The following KCNQ2 variants were observed in gnomAD, a reference collection of about 807,000 sequenced individuals.
KCNQ2 encodes the protein potassium voltage-gated channel subfamily KQT member 2.
In KCNQ2, 14 loss-of-function variants were observed where a neutral mutation model predicts 84.8. That is an observed-to-expected ratio of 0.17 (90% CI 0.11 to 0.26). KCNQ2 has a LOEUF of 0.26. Among genes scored for constraint, KCNQ2 ranks in the 10% least tolerant of loss-of-function variants. The pLI is 1.00. For synonymous variants in KCNQ2, 599 were observed against 554.1 expected (o/e 1.08, Z -1.14); for missense variants, 788 against 1,254.0 (o/e 0.63, Z 5.61).
chr20:63,411,624 T>G, intron 15 of KCNQ2: 1 of 463,118 alleles, frequency 2.2e-6, no homozygotes, highest in Middle Eastern at 5.6e-4. Context: ...GGAAGGGCCT[T>G]CTCCCTCTTG....
Position 63,400,809 on chromosome 20 carries a change from C to T in KCNQ2, c.*5835G>A. The T allele has an allele frequency of 7.5e-6, 3 of 398,442 alleles. No homozygotes were observed. The highest frequency in any genetic ancestry group is 8.9e-6 in the Non-Finnish European group (2 of 225,922). 24.7% of individuals were successfully genotyped at this position (398,442 alleles called of 1,614,324 possible). A position where few individuals can be genotyped will look rare whatever the true frequency, so the allele number is the denominator to read the frequency against. On this transcript the variant is annotated 3_prime_UTR_variant, in exon 17 of 17. Transcript: ENST00000359125. This position sits in a 1 kb window ranked among gnomAD's most constrained non-coding sequence, Gnocchi z 8.7. ...TCAGTGCGAGACCCCTCCGTGAGAC[C>T]CCTCCTGCCCTGCGCGTGTCTCTGG...
In KCNQ2 at chr20:63,407,483, G is replaced by A. The variant is rs2079985346; in HGVS notation, c.1888-108C>T. ...GGCCCAGGCTGGTTCCAGGAAACAG[G>A]AGAGACCCAGGCTAGTCCCAGGAAA... On this transcript the variant is annotated intron_variant, in intron 16 of 16. Coordinates refer to ENST00000359125, the MANE Select transcript of KCNQ2 (RefSeq NM_172107.4). This position sits in a 1 kb window ranked among gnomAD's most constrained non-coding sequence, Gnocchi z 7.2. 8.3e-7 allele frequency: 1 copy of A among 1,210,214 alleles called. No homozygotes were observed. Among genetic ancestry groups the A allele is most frequent in the South Asian group, 1.4e-5 (1 of 73,730 alleles). 75.0% of individuals were successfully genotyped at this position (1,210,214 alleles called of 1,614,324 possible). A position where few individuals can be genotyped will look rare whatever the true frequency, so the allele number is the denominator to read the frequency against.
chr20:63,417,931 T>A (rs573484883), intron 12 of KCNQ2, among the ~76,000 whole-genome samples: 173 of 152,324 alleles, frequency 1.1e-3, no homozygotes, highest in Middle Eastern at 0.01. Flanking sequence ...GAGCCTGCCC[T>A]GGCCTCGGCG....
At chr20:63,452,734 G>A (rs6011837) in intron 1 of KCNQ2, among the ~76,000 whole-genome samples, 2,154 of 152,258 alleles carry the variant, frequency 0.014, 58 homozygotes, top group African/African-American at 0.049. Flanking sequence ...GTCTCTCGCC[G>A]GCAGCTCGGC....
chr20:63,452,919 G>A (rs2081656854), intron 1 of KCNQ2, among the ~76,000 whole-genome samples: 1 of 152,244 alleles, frequency 6.6e-6, no homozygotes, highest in Non-Finnish European at 1.5e-5. Flanking sequence ...CAGGGGCAGG[G>A]GTTGGGGCGG....
chr20:63,417,357 C>A (rs3865529), intron 12 of KCNQ2, among the ~76,000 whole-genome samples: 1 of 152,168 alleles, frequency 6.6e-6, no homozygotes, highest in Non-Finnish European at 1.5e-5. Context: ...TCAGGCAGGC[C>A]TCAGGGCAAG....
At chr20:63,440,680 G>A (rs1320967800) in intron 5 of KCNQ2, among the ~76,000 whole-genome samples, 1 of 152,206 alleles carries the variant, frequency 6.6e-6, no homozygotes, top group Non-Finnish European at 1.5e-5. Flanking sequence ...AGTTTACCCT[G>A]GGTTCCGAGG....
In KCNQ2 at chr20:63,439,639, T is replaced by C. The variant is rs756921902; in HGVS notation, c.886A>G (p.Thr296Ala). Residue 296 changes from threonine to alanine, a missense_variant, in exon 6 of 17, where the codon ACC (threonine) becomes GCC (alanine). Around this residue, in one of 8 missense-constraint regions of KCNQ2, gnomAD observed 18 missense variants for 166.0 expected, o/e 0.11. Transcript: ENST00000359125. ...AAGGAGACACCGATGAGGGTGAAGGTTGCCGCAAGGAGCCTGCCGTTCCAG... is the reference window on the plus strand; with the variant it reads ...AAGGAGACACCGATGAGGGTGAAGGCTGCCGCAAGGAGCCTGCCGTTCCAG... ...QTWNGRLLAA[T>A]FTLIGVSFFA... The C allele has an allele frequency of 6.2e-7, 1 of 1,613,694 alleles. No individual in the cohort carries two copies. The highest frequency in any genetic ancestry group is 8.5e-7 in the Non-Finnish European group (1 of 1,180,006).
At chr20:63,418,328 G>C (rs1180759467) in intron 12 of KCNQ2, among the ~76,000 whole-genome samples, 2 of 152,228 alleles carry the variant, frequency 1.3e-5, no homozygotes, top group Non-Finnish European at 2.9e-5. Context: ...AAGCACCTGA[G>C]AGCGCGCCAT....
rs754234793 is a variant in KCNQ2 at position 63,414,485 on chromosome 20, G to A, written c.1526-292C>T. 8.5e-5 allele frequency among the ~76,000 whole-genome samples: 13 copies of A among 152,128 alleles called. No homozygotes were observed. Among genetic ancestry groups the A allele is most frequent in the Admixed American group, 2.6e-4 (4 of 15,280 alleles). ...GGCGCATCCACGCACAGATGTTAAC[G>A]GCGGAAGGTGCAGGCCTGACATCTG... On this transcript the variant is annotated intron_variant, in intron 13 of 16. Transcript: ENST00000359125. The surrounding 1 kb of genome is among the most constrained non-coding windows in gnomAD (Gnocchi z 6.6).
At chr20:63,420,167 G>A (rs975593358) in intron 11 of KCNQ2, among the ~76,000 whole-genome samples, 1 of 152,188 alleles carries the variant, frequency 6.6e-6, no homozygotes, top group African/African-American at 2.4e-5. Flanking sequence ...GGTGGGTCTC[G>A]GTTTACCCAG....
In KCNQ2 at chr20:63,406,245, G is replaced by A. The variant is rs1012526484; in HGVS notation, c.*399C>T. 4.7e-6 allele frequency: 1 copy of A among 214,412 alleles called. No homozygotes were observed. The highest frequency in any genetic ancestry group is 2.3e-5 in the African/African-American group (1 of 43,256). 13.3% of individuals were successfully genotyped at this position (214,412 alleles called of 1,614,324 possible). On this transcript the variant is annotated 3_prime_UTR_variant, in exon 17 of 17. Coordinates refer to ENST00000359125, the MANE Select transcript of KCNQ2 (RefSeq NM_172107.4). The stretch of plus-strand genomic sequence containing the variant: ...CCCGCCCTTTGCGCAGGTCCTCAGG[G>A]AACAGGCCTGCCCTTTGTGCCTCCC...
At chr20:63,471,787 C>G (rs2082222217) in intron 1 of KCNQ2, 1 of 192,484 alleles carries the variant, frequency 5.2e-6, no homozygotes, top group Admixed American at 6.2e-5. Flanking sequence ...CCCAGCCCCG[C>G]GGGTCCCCGA....
At chr20:63,411,323 G>A (rs1044613986) in intron 15 of KCNQ2, among the ~76,000 whole-genome samples, 2 of 152,204 alleles carry the variant, frequency 1.3e-5, no homozygotes, top group Non-Finnish European at 2.9e-5. Context: ...ACGTGGCCAG[G>A]CCCACCCCCA....
Position 63,414,257 on chromosome 20 carries a change from G to A in KCNQ2, c.1526-64C>T, listed in dbSNP as rs1601570334. On this transcript the variant is annotated intron_variant, in intron 13 of 16. Coordinates refer to ENST00000359125, the MANE Select transcript of KCNQ2 (RefSeq NM_172107.4). The surrounding 1 kb of genome is among the most constrained non-coding windows in gnomAD (Gnocchi z 6.6). Reference sequence around the variant, plus strand: ...CCGGGAGACCTATTCCCGGGGTCCTGCAGGGCACACCGGCTAGACAGAGCG... The same window carrying A: ...CCGGGAGACCTATTCCCGGGGTCCTACAGGGCACACCGGCTAGACAGAGCG... The A allele has an allele frequency of 8.3e-7, 1 of 1,202,360 alleles. No homozygotes were observed. Among genetic ancestry groups the A allele is most frequent in the Non-Finnish European group, 1.2e-6 (1 of 810,764 alleles). The allele number at this position is 1,202,360 out of a possible 1,614,324, so 74.5% of individuals were successfully genotyped here. A position where few individuals can be genotyped will look rare whatever the true frequency, so the allele number is the denominator to read the frequency against.
At chr20:63,415,153 A>ACAGACAGG (rs2145558388) in intron 12 of KCNQ2, 27 bp from the exon 13 acceptor site, 1 of 1,575,254 alleles carries the variant, frequency 6.3e-7, no homozygotes, top group Non-Finnish European at 8.6e-7. Context: ...CGACAGACAG[A>ACAGACAGG]CAGAAAAACA....
intron 1 of KCNQ2, chr20:63,471,067 C>T (rs2082203299): frequency 6.6e-6 from 1 of 152,300 alleles, no homozygotes. Context: ...CACTCAAGGC[C>T]ACACGCAGGC....
chr20:63,434,209 T>G, intron 7 of KCNQ2: 1 of 423,766 alleles, frequency 2.4e-6, no homozygotes. Context: ...TTCATGACTC[T>G]TACCTGGCCC....
intron 10 of KCNQ2, 77 bp from the exon 11 acceptor site, chr20:63,424,283 C>A: frequency 2.0e-6 from 3 of 1,503,108 alleles, no homozygotes; most frequent in Middle Eastern, 1.7e-4. Context: ...TCCAGCCCCC[C>A]ACAGTCCCAT....
Sources: gnomAD v4.1 joint callset for allele counts (sites outside exome capture counted in the v4.1 genomes callset) on GRCh38, gnomAD v4.1.1 for gene constraint, gnomAD v4.1.1 regional missense constraint, Gnocchi (gnomAD v3.1) non-coding constraint, MANE v1.5 for transcripts, NCBI Gene and HGNC (gene_info 2026-07-23, HGNC 2026-07-21) for gene names.